ZNF236: variants seen among roughly 807,000 people sequenced by gnomAD.
ZNF236 encodes regulated by glucose.
ZNF236 carries 50 observed loss-of-function variants against 191.2 expected under a neutral mutation model. The ratio of observed to expected loss-of-function variants is 0.26; its 90% CI spans 0.21 to 0.33. The LOEUF is 0.33. Among genes scored for constraint, ZNF236 ranks in the 10% least tolerant of loss-of-function variants. The pLI, the probability that ZNF236 is intolerant of heterozygous loss-of-function variation, is 1.00. For missense variants in ZNF236, 1,754 were observed against 2,374.5 expected, an observed-to-expected ratio of 0.74 and a Z score of 5.43; for synonymous variants, 907 against 928.8, an observed-to-expected ratio of 0.98 and a Z score of 0.43.
intron 25 of ZNF236, among the ~76,000 whole-genome samples, chr18:76,935,261 G>A (rs1967961401): frequency 6.6e-6 from 1 of 152,178 alleles, no homozygotes; most frequent in Non-Finnish European, 1.5e-5. Flanking sequence ...ACTGGAACCG[G>A]TATCATCCTC....
chr18:76,845,109 C>T (rs761145491), intron 1 of ZNF236, among the ~76,000 whole-genome samples: 20 of 152,202 alleles, frequency 1.3e-4, no homozygotes, highest in Middle Eastern at 3.4e-3. Context: ...TTATGTAAAG[C>T]CTTAAACTGA....
chr18:76,834,799 CA>C, intron 1 of ZNF236: 1 of 470,168 alleles, frequency 2.1e-6, no homozygotes, highest in South Asian at 1.6e-5. Flanking sequence ...GAAGGGAAGA[CA>C]AAATCTTCCT....
chr18:76,845,244 A>C (rs544807839), intron 1 of ZNF236, among the ~76,000 whole-genome samples: 24 of 152,314 alleles, frequency 1.6e-4, no homozygotes, highest in Middle Eastern at 3.4e-3. Flanking sequence ...TAATTAAAGC[A>C]AACAGTGGTC....
chr18:76,894,129 A>G (rs1203831099), intron 9 of ZNF236, among the ~76,000 whole-genome samples: 1 of 152,246 alleles, frequency 6.6e-6, no homozygotes, highest in Non-Finnish European at 1.5e-5. Context: ...AATCTAATCA[A>G]AAATTTTAAA....
intron 17 of ZNF236, among the ~76,000 whole-genome samples, chr18:76,912,884 C>G (rs1426794280): frequency 6.6e-6 from 1 of 152,226 alleles, no homozygotes; most frequent in East Asian, 1.9e-4. Context: ...AACTCCTGAC[C>G]TCAGGTGATC....
At chr18:76,834,619 A>G in intron 1 of ZNF236, 1 of 451,290 alleles carries the variant, frequency 2.2e-6, no homozygotes, top group South Asian at 1.9e-5. Flanking sequence ...CAGTTGTGCC[A>G]TTATCCTTTT....
rs944575882 is a variant in ZNF236 at position 76,919,527 on chromosome 18, T to G, written c.3275-249T>G. ...CTTATTCCTTCTATCTAAGCGGATG[T>G]TTTCACCCCTTCACCAACCTCTGTT... On this transcript the variant is annotated intron_variant, in intron 19 of 30. Transcript: ENST00000320610. The surrounding 1 kb of genome is among the most constrained non-coding windows in gnomAD (Gnocchi z 5.3). Among the ~76,000 whole-genome samples, 1 of 152,142 alleles carries G rather than the reference T, an allele frequency of 6.6e-6. No homozygotes were observed. Among genetic ancestry groups the G allele is most frequent in the African/African-American group, 2.4e-5 (1 of 41,406 alleles).
intron 11 of ZNF236, among the ~76,000 whole-genome samples, chr18:76,903,460 C>T (rs780678274): frequency 7.2e-5 from 11 of 152,052 alleles, no homozygotes; most frequent in African/African-American, 1.2e-4. Context: ...ATGGAAAGTC[C>T]GGAAAAACAG....
At chr18:76,933,514 C>G (rs1967914225) in intron 25 of ZNF236, among the ~76,000 whole-genome samples, 1 of 148,474 alleles carries the variant, frequency 6.7e-6, no homozygotes, top group Non-Finnish European at 1.5e-5. Context: ...CTCTCTCTCA[C>G]TCTCTCTCTC....
At chr18:76,916,431 C>G (rs2122788301) in intron 19 of ZNF236, among the ~76,000 whole-genome samples, 1 of 152,248 alleles carries the variant, frequency 6.6e-6, no homozygotes, top group Non-Finnish European at 1.5e-5. Flanking sequence ...ATTACGTTGT[C>G]TCATGTAATA....
At chr18:76,864,490 G>A (rs1375955640) in intron 3 of ZNF236, among the ~76,000 whole-genome samples, 4 of 151,970 alleles carry the variant, frequency 2.6e-5, no homozygotes. Flanking sequence ...GTGAGCCACC[G>A]CACCTGGCCA....
At chr18:76,898,456 A>G (rs1188050420) in intron 10 of ZNF236, among the ~76,000 whole-genome samples, 1 of 152,202 alleles carries the variant, frequency 6.6e-6, no homozygotes, top group Non-Finnish European at 1.5e-5. Context: ...TTTGGAATTT[A>G]CATTTTCATT....
chr18:76,953,177 C>T (rs1037987697), intron 27 of ZNF236, among the ~76,000 whole-genome samples: 1 of 152,194 alleles, frequency 6.6e-6, no homozygotes, highest in African/African-American at 2.4e-5. Context: ...TTTACTAAAA[C>T]GAATGAACTA....
intron 5 of ZNF236, among the ~76,000 whole-genome samples, chr18:76,873,993 A>G (rs1976649243): frequency 7.2e-6 from 1 of 139,162 alleles, no homozygotes; most frequent in Admixed American, 7.2e-5. Context: ...CAGTGCTGTG[A>G]CTGGGCCACA....
At chr18:76,834,296 C>T (rs1436242376) in intron 1 of ZNF236, 3 of 167,070 alleles carry the variant, frequency 1.8e-5, no homozygotes, top group African/African-American at 7.2e-5. Context: ...TTTGGACTTT[C>T]AATTCAATTT....
chr18:76,911,974 A>C (rs1039957812), intron 16 of ZNF236, among the ~76,000 whole-genome samples: 3 of 152,318 alleles, frequency 2.0e-5, no homozygotes, highest in African/African-American at 7.2e-5. Flanking sequence ...ATCTCTTATT[A>C]AGATATATAA....
chr18:76,959,851 C>G (rs376544168), intron 29 of ZNF236, 35 bp downstream of exon 29: 5 of 1,602,564 alleles, frequency 3.1e-6, no homozygotes, highest in Non-Finnish European at 1.7e-6. Flanking sequence ...TTTCCTTACT[C>G]TTTGAAGTAG....
intron 1 of ZNF236, chr18:76,834,479 T>C (rs912940388): frequency 3.6e-5 from 15 of 418,852 alleles, no homozygotes; most frequent in Non-Finnish European, 7.0e-5. Context: ...CCCTTTTACT[T>C]TTCTACTTGG....
chr18:76,908,769 A>G (rs1229799885), intron 14 of ZNF236, among the ~76,000 whole-genome samples, 196 bp downstream of exon 14: 1 of 152,152 alleles, frequency 6.6e-6, no homozygotes, highest in Non-Finnish European at 1.5e-5. Flanking sequence ...ATTTTATTAG[A>G]TTTCTTAGGG....
Sources: allele counts gnomAD v4.1 joint callset (sites outside exome capture counted in the v4.1 genomes callset), GRCh38; gene constraint gnomAD v4.1.1; non-coding constraint Gnocchi (gnomAD v3.1); transcripts MANE v1.5; gene names NCBI Gene and HGNC (gene_info 2026-07-23, HGNC 2026-07-21).